ATP2B4: variants seen among roughly 807,000 people sequenced by gnomAD.
The protein encoded by ATP2B4 is ATPase plasma membrane Ca2+ transporting 4.
ATP2B4 carries 39 observed loss-of-function variants against 110.3 expected under a neutral mutation model. That is an observed-to-expected ratio of 0.35 (90% CI 0.27 to 0.46). ATP2B4 has a LOEUF of 0.46. ATP2B4 is among the 20% of genes least tolerant of loss of function. The pLI is 1.00. For missense variants in ATP2B4, 1,135 were observed against 1,530.9 expected (o/e 0.74, Z 4.32); for synonymous variants, 538 against 571.7 (o/e 0.94, Z 0.84).
chr1:203,713,327 C>T, intron 14 of ATP2B4, 75 bp downstream of exon 14: 1 of 1,536,286 alleles, frequency 6.5e-7, no homozygotes, highest in Non-Finnish European at 9.0e-7. Flanking sequence ...GAACCACCAG[C>T]CAAAGCCACT....
chr1:203,671,312 C>T (rs369136756), intron 1 of ATP2B4, among the ~76,000 whole-genome samples: 1 of 152,096 alleles, frequency 6.6e-6, no homozygotes, highest in Non-Finnish European at 1.5e-5. Flanking sequence ...ACTTTCTTGA[C>T]CTTCATTTTT....
intron 1 of ATP2B4, among the ~76,000 whole-genome samples, chr1:203,666,530 C>T (rs1324745141): frequency 3.9e-5 from 6 of 152,136 alleles, no homozygotes; most frequent in Admixed American, 1.3e-4. Context: ...ATTTTGGCCC[C>T]CGTTCTTCGT....
At position 203,629,981 on chromosome 1, in the gene ATP2B4, C is replaced by T. The variant is rs1663214824; in HGVS notation, c.-465+2762C>T. ...CCCGCCGTCTGGCCTCCAGTTTCCC[C>T]TCTGCACAATGGAAAGCCTGCTCTC... On this transcript the variant is annotated intron_variant, in intron 1 of 20. Transcript: ENST00000357681. The surrounding 1 kb of genome is among the most constrained non-coding windows in gnomAD (Gnocchi z 4.6). Among the ~76,000 whole-genome samples, 1 of 152,190 alleles carries T rather than the reference C, an allele frequency of 6.6e-6. No individual in the cohort carries two copies. Among genetic ancestry groups the T allele is most frequent in the South Asian group, 2.1e-4 (1 of 4,828 alleles).
intron 1 of ATP2B4, chr1:203,657,846 G>A (rs1011704101): frequency 5.7e-5 from 24 of 423,690 alleles, no homozygotes; most frequent in African/African-American, 3.5e-4. Context: ...CACGCAGGCC[G>A]GGACAGGAAA....
At chr1:203,646,341 C>T (rs1346113682) in intron 1 of ATP2B4, among the ~76,000 whole-genome samples, 1 of 152,014 alleles carries the variant, frequency 6.6e-6, no homozygotes, top group Non-Finnish European at 1.5e-5. Context: ...TCCAAGGGTG[C>T]AGTGGCACGT....
chr1:203,665,932 T>G (rs1664490224), intron 1 of ATP2B4, among the ~76,000 whole-genome samples: 1 of 152,232 alleles, frequency 6.6e-6, no homozygotes, highest in East Asian at 1.9e-4. Flanking sequence ...TATGGGATTC[T>G]TGTTTGATGT....
chr1:203,744,005 G>A lies in ATP2B4; in HGVS notation c.*4151G>A, dbSNP rs568. On this transcript the variant is annotated 3_prime_UTR_variant, in exon 21 of 21. Coordinates refer to ENST00000357681, the MANE Select transcript of ATP2B4 (RefSeq NM_001684.5). ...GTTTTAAAAGGGATAATTTGTTGGA[G>A]CCAATAAAGCTTTTTGCTGATGAAC... 34,443 of 152,542 alleles carry A rather than the reference G, an allele frequency of 0.23. 4,260 individuals carry two copies. Among genetic ancestry groups the A allele is most frequent in the Admixed American group, 0.38 (5,813 of 15,268 alleles). 9.4% of individuals were successfully genotyped at this position (152,542 alleles called of 1,614,324 possible).
At chr1:203,658,495 C>G (rs1251293606) in intron 1 of ATP2B4, among the ~76,000 whole-genome samples, 1 of 150,708 alleles carries the variant, frequency 6.6e-6, no homozygotes, top group Non-Finnish European at 1.5e-5. Context: ...GGCGCCACTG[C>G]ACTCCACCCT....
chr1:203,673,204 G>A (rs1664726534), intron 1 of ATP2B4, among the ~76,000 whole-genome samples: 1 of 152,178 alleles, frequency 6.6e-6, no homozygotes, highest in South Asian at 2.1e-4. Flanking sequence ...TGTTAGGAGT[G>A]CACCTTCCCA....
chr1:203,736,243 T>A (rs1571783116), intron 20 of ATP2B4, among the ~76,000 whole-genome samples: 1 of 152,132 alleles, frequency 6.6e-6, no homozygotes. Flanking sequence ...GGCAGGTGGA[T>A]TACTTGAGGT....
At chr1:203,692,120 TC>T (rs1442860282) in intron 2 of ATP2B4, among the ~76,000 whole-genome samples, 1 of 151,996 alleles carries the variant, frequency 6.6e-6, no homozygotes, top group African/African-American at 2.4e-5. Flanking sequence ...GACCTCATGA[TC>T]CGCCCGCCTC....
chr1:203,719,940 G>T (rs754145933), intron 15 of ATP2B4, among the ~76,000 whole-genome samples: 10 of 151,914 alleles, frequency 6.6e-5, no homozygotes, highest in Non-Finnish European at 1.3e-4. Flanking sequence ...AGCAGGGTGA[G>T]CAAATGCCTG....
intron 1 of ATP2B4, among the ~76,000 whole-genome samples, chr1:203,660,811 T>TAAG (rs1224344634): frequency 7.1e-6 from 1 of 140,274 alleles, no homozygotes; most frequent in Non-Finnish European, 1.5e-5. Flanking sequence ...AATAAATAAA[T>TAAG]AAGAAGAAGA....
In ATP2B4 at chr1:203,707,787, G is replaced by A. The variant is rs1240913458; in HGVS notation, c.1315-75G>A. The A allele has an allele frequency of 1.9e-6, 3 of 1,568,554 alleles. No individual in the cohort carries two copies. The East Asian group carries it at 6.8e-5, about 35-fold the overall frequency. On this transcript the variant is annotated intron_variant, in intron 9 of 20. Transcript: ENST00000357681. ...ATGAAATGTGGAGAGATGTTGGCTAGGAAATGGCCTTTGACCTAGATTTAG... is the reference window on the plus strand; with the variant it reads ...ATGAAATGTGGAGAGATGTTGGCTAAGAAATGGCCTTTGACCTAGATTTAG...
intron 20 of ATP2B4, among the ~76,000 whole-genome samples, chr1:203,738,774 A>G (rs1436482500): frequency 6.6e-6 from 1 of 152,196 alleles, no homozygotes; most frequent in African/African-American, 2.4e-5. Flanking sequence ...GGCAGGAGGA[A>G]GGCATCTTTT....
intron 20 of ATP2B4, among the ~76,000 whole-genome samples, chr1:203,730,766 G>A (rs1300019022): frequency 6.6e-6 from 1 of 152,214 alleles, no homozygotes; most frequent in East Asian, 1.9e-4. Flanking sequence ...CATTGTTGGA[G>A]CATGAGGCAG....
At chr1:203,734,235 G>A (rs1247805296) in intron 20 of ATP2B4, among the ~76,000 whole-genome samples, 2 of 151,694 alleles carry the variant, frequency 1.3e-5, no homozygotes, top group Admixed American at 6.6e-5. Flanking sequence ...CTCAGGAGGC[G>A]GAGGTTACAG....
intron 4 of ATP2B4, 118 bp from the exon 5 acceptor site, chr1:203,700,088 G>C (rs1665646746): frequency 8.0e-7 from 1 of 1,243,766 alleles, no homozygotes; most frequent in Non-Finnish European, 1.1e-6. Context: ...GGCCATTGCT[G>C]TCTAGATAGG....
intron 1 of ATP2B4, among the ~76,000 whole-genome samples, chr1:203,647,732 C>T (rs1663847045): frequency 6.6e-6 from 1 of 151,888 alleles, no homozygotes; most frequent in African/African-American, 2.4e-5. Flanking sequence ...GTACTCCACC[C>T]TAGGCAACAG....
Sources: allele counts gnomAD v4.1 joint callset (sites outside exome capture counted in the v4.1 genomes callset), GRCh38; gene constraint gnomAD v4.1.1; non-coding constraint Gnocchi (gnomAD v3.1); transcripts MANE v1.5; gene names NCBI Gene and HGNC (gene_info 2026-07-23, HGNC 2026-07-21).